Variants in KCNH7 observed in about 807,000 individuals in gnomAD.
The protein encoded by KCNH7 is potassium voltage-gated channel subfamily H member 7.
A neutral mutation model predicts 120.8 loss-of-function variants in KCNH7; 49 were observed. The observed-to-expected ratio is 0.41, with a 90% CI of 0.32 to 0.51. The LOEUF (loss-of-function observed/expected upper bound fraction) is 0.51, where lower values mean the gene tolerates loss of function less well. Among genes scored for constraint, KCNH7 ranks in the 20% least tolerant of loss-of-function variants. The pLI is 0.38. For synonymous variants in KCNH7, 547 were observed against 516.1 expected, an observed-to-expected ratio of 1.06 and a Z score of -0.81; for missense variants, 1,097 against 1,446.6, an observed-to-expected ratio of 0.76 and a Z score of 3.92.
rs1052228068 is a variant in KCNH7, at chr2:162,546,504, C to T, written c.308-9424G>A. 5.3e-5 allele frequency among the ~76,000 whole-genome samples: 8 copies of T among 152,218 alleles called. No homozygotes were observed. In the East Asian group the frequency reaches 1.4e-3, roughly 26 times the overall value. ...CTCAGAATATGAGCAAATCTGCATA[C>T]TGCCATAGTAAGTGCACACGATTGT... On this transcript the variant is annotated intron_variant, in intron 2 of 15. Coordinates refer to ENST00000332142, the MANE Select transcript of KCNH7 (RefSeq NM_033272.4).
intron 2 of KCNH7, among the ~76,000 whole-genome samples, chr2:162,666,674 C>T (rs895815066): frequency 4.6e-5 from 7 of 152,126 alleles, no homozygotes; most frequent in African/African-American, 1.2e-4. Context: ...AAAAACAACT[C>T]CTTTAAAGCA....
intron 2 of KCNH7, among the ~76,000 whole-genome samples, chr2:162,552,585 T>C (rs1457745426): frequency 6.6e-6 from 1 of 152,230 alleles, no homozygotes; most frequent in Non-Finnish European, 1.5e-5. Flanking sequence ...TTATGTTATA[T>C]GGCTCAGTTT....
chr2:162,593,232 T>C (rs989093922), intron 2 of KCNH7, among the ~76,000 whole-genome samples: 3 of 152,080 alleles, frequency 2.0e-5, no homozygotes, highest in African/African-American at 7.2e-5. Context: ...TTCTGATCTC[T>C]GGCATAAGTA....
At chr2:162,478,159 T>C (rs886962051) in intron 6 of KCNH7, among the ~76,000 whole-genome samples, 2 of 152,148 alleles carry the variant, frequency 1.3e-5, no homozygotes, top group Non-Finnish European at 1.5e-5. Flanking sequence ...GTAGAGCCCA[T>C]TAGACCGGGC....
At chr2:162,779,705 G>A (rs1205183518) in intron 2 of KCNH7, among the ~76,000 whole-genome samples, 1 of 152,038 alleles carries the variant, frequency 6.6e-6, no homozygotes, top group African/African-American at 2.4e-5. Flanking sequence ...AACTGTCTTG[G>A]GTTGATAACG....
intron 2 of KCNH7, chr2:162,796,278 C>A (rs1229648748): frequency 6.6e-6 from 1 of 151,946 alleles, no homozygotes; most frequent in East Asian, 1.9e-4. Flanking sequence ...ACTCAAAGGT[C>A]TCTTGACAAG....
intron 2 of KCNH7, among the ~76,000 whole-genome samples, chr2:162,600,712 T>C (rs529321022): frequency 1.6e-4 from 24 of 152,094 alleles, no homozygotes; most frequent in Non-Finnish European, 2.9e-4. Context: ...ACACTTCCAA[T>C]ACAGACAAAC....
At chr2:162,838,344 A>T (rs1685734159) in intron 1 of KCNH7, 99 bp downstream of exon 1, 6 of 931,442 alleles carry the variant, frequency 6.4e-6, no homozygotes. Flanking sequence ...AAGTTGACAG[A>T]GCCTGGAGTT....
At chr2:162,693,625 C>A (rs938733957) in intron 2 of KCNH7, among the ~76,000 whole-genome samples, 5 of 152,154 alleles carry the variant, frequency 3.3e-5, no homozygotes, top group Admixed American at 2.6e-4. Flanking sequence ...AAGAGAGAAA[C>A]CACTGATGGC....
chr2:162,612,020 T>G (rs942763847), intron 2 of KCNH7, among the ~76,000 whole-genome samples: 2 of 152,196 alleles, frequency 1.3e-5, no homozygotes, highest in African/African-American at 4.8e-5. Context: ...GGATAGAATT[T>G]CACTTCTATT....
intron 2 of KCNH7, among the ~76,000 whole-genome samples, chr2:162,685,469 T>G (rs16847119): frequency 0.043 from 6,461 of 151,450 alleles, 266 homozygotes; most frequent in East Asian, 0.22. Context: ...ACTGAATATA[T>G]TCTAGCGATG....
intron 2 of KCNH7, among the ~76,000 whole-genome samples, chr2:162,652,439 G>T (rs971674011): frequency 2.0e-5 from 3 of 152,124 alleles, no homozygotes; most frequent in African/African-American, 7.2e-5. Context: ...TGTGGGGGGA[G>T]GGGTAGTGTG....
At chr2:162,553,161 G>C (rs1422518417) in intron 2 of KCNH7, among the ~76,000 whole-genome samples, 1 of 152,202 alleles carries the variant, frequency 6.6e-6, no homozygotes. Context: ...AGTTTGATCT[G>C]TGGGAAGTAC....
intron 9 of KCNH7, among the ~76,000 whole-genome samples, chr2:162,418,458 G>T (rs1687602359): frequency 6.6e-6 from 1 of 152,112 alleles, no homozygotes; most frequent in Admixed American, 6.6e-5. Flanking sequence ...ACGCTACTTT[G>T]CAAATTTTGC....
At chr2:162,829,824 C>A (rs1189830839) in intron 2 of KCNH7, among the ~76,000 whole-genome samples, 3 of 149,698 alleles carry the variant, frequency 2.0e-5, no homozygotes, top group African/African-American at 7.3e-5. Context: ...AACACACTTT[C>A]CCCCAGATCT....
chr2:162,394,204 T>C (rs978342556), intron 12 of KCNH7, among the ~76,000 whole-genome samples, 185 bp downstream of exon 12: 1 of 151,956 alleles, frequency 6.6e-6, no homozygotes, highest in African/African-American at 2.4e-5. Context: ...TGTTGAATGA[T>C]ATCATTGAGA....
At chr2:162,427,214 T>C (rs947252627) in intron 8 of KCNH7, among the ~76,000 whole-genome samples, 1 of 152,104 alleles carries the variant, frequency 6.6e-6, no homozygotes, top group South Asian at 2.1e-4. Flanking sequence ...TGGGCTTATA[T>C]TTTCATTTCC....
chr2:162,542,385 T>C (rs1207827237), intron 2 of KCNH7, among the ~76,000 whole-genome samples: 1 of 145,424 alleles, frequency 6.9e-6, no homozygotes, highest in Non-Finnish European at 1.5e-5. Flanking sequence ...TATCTCCTAA[T>C]GCTATCCCTC....
At chr2:162,799,473 T>C (rs1684265018) in intron 2 of KCNH7, among the ~76,000 whole-genome samples, 1 of 152,116 alleles carries the variant, frequency 6.6e-6, no homozygotes, top group South Asian at 2.1e-4. Context: ...AATATTAATA[T>C]ATCAATCTTT....
Sources: allele counts gnomAD v4.1 joint callset (sites outside exome capture counted in the v4.1 genomes callset), GRCh38; gene constraint gnomAD v4.1.1; transcripts MANE v1.5; gene names NCBI Gene and HGNC (gene_info 2026-07-23, HGNC 2026-07-21).